Variants in MDGA2 observed in about 807,000 individuals in gnomAD.
MDGA2 encodes the protein MAM domain-containing glycosylphosphatidylinositol anchor protein 2.
Under a neutral mutation model 117.8 loss-of-function variants are expected in MDGA2, and 40 were observed. That is an observed-to-expected ratio of 0.34 (90% confidence interval 0.26 to 0.44). The LOEUF is 0.44. MDGA2 is among the 20% of genes least tolerant of loss of function. The pLI is 1.00. For synonymous variants in MDGA2, 452 were observed against 439.0 expected (o/e 1.03, Z -0.37); for missense variants, 1,123 against 1,250.6 (o/e 0.90, Z 1.54).
chr14:47,500,621 C>T, intron 1 of MDGA2, among the ~76,000 whole-genome samples: 1 of 151,732 alleles, frequency 6.6e-6, no homozygotes, highest in East Asian at 1.9e-4. Context: ...GTTGCCAGAA[C>T]CAAGCAGAAG....
intron 8 of MDGA2, among the ~76,000 whole-genome samples, chr14:46,974,582 G>A (rs2138348179): frequency 6.6e-6 from 1 of 152,166 alleles, no homozygotes; most frequent in South Asian, 2.1e-4. Flanking sequence ...TGCATATATG[G>A]TAAAATTATT....
intron 7 of MDGA2, among the ~76,000 whole-genome samples, chr14:47,039,449 A>G (rs1251558219): frequency 1.3e-5 from 2 of 152,178 alleles, no homozygotes; most frequent in Admixed American, 1.3e-4. Context: ...GGCCATAGGC[A>G]GTTTTCTCAG....
At chr14:47,079,058 G>A (rs187110831) in intron 6 of MDGA2, among the ~76,000 whole-genome samples, 2 of 150,998 alleles carry the variant, frequency 1.3e-5, no homozygotes, top group East Asian at 3.9e-4. Context: ...AAACAAGGAT[G>A]GAAGGAAGAA....
intron 1 of MDGA2, among the ~76,000 whole-genome samples, chr14:47,341,355 T>C (rs1435220052): frequency 1.3e-5 from 2 of 152,198 alleles, no homozygotes; most frequent in Non-Finnish European, 2.9e-5. Flanking sequence ...ATTTTACACA[T>C]GTCATAGAGT....
At chr14:47,022,654 T>C (rs1888328070) in intron 8 of MDGA2, among the ~76,000 whole-genome samples, 1 of 152,150 alleles carries the variant, frequency 6.6e-6, no homozygotes, top group Non-Finnish European at 1.5e-5. Flanking sequence ...GGCTGGAGAC[T>C]TCAGGGAATA....
At chr14:46,906,793 A>G (rs1406222395) in intron 10 of MDGA2, among the ~76,000 whole-genome samples, 4 of 151,984 alleles carry the variant, frequency 2.6e-5, no homozygotes, top group Non-Finnish European at 5.9e-5. Flanking sequence ...AGAGTCAATT[A>G]CTCAGTAGAG....
At chr14:47,182,241 C>T (rs971834287) in intron 3 of MDGA2, among the ~76,000 whole-genome samples, 1 of 151,940 alleles carries the variant, frequency 6.6e-6, no homozygotes, top group African/African-American at 2.4e-5. Context: ...AGTTTTAATC[C>T]TATTGCAGAT....
At chr14:46,877,655 A>G in intron 11 of MDGA2, 146 bp from the exon 12 acceptor site, 1 of 517,170 alleles carries the variant, frequency 1.9e-6, no homozygotes, top group South Asian at 3.4e-5. Context: ...TGAGATTTAT[A>G]TCTGCAATCC....
At chr14:47,578,401 G>T (rs1896156095) in intron 1 of MDGA2, among the ~76,000 whole-genome samples, 1 of 151,934 alleles carries the variant, frequency 6.6e-6, no homozygotes, top group Non-Finnish European at 1.5e-5. Flanking sequence ...TTGTATCTTG[G>T]AACTTAAAGT....
chr14:47,636,220 C>A (rs755811814), intron 1 of MDGA2, among the ~76,000 whole-genome samples: 11 of 152,114 alleles, frequency 7.2e-5, no homozygotes, highest in Non-Finnish European at 1.5e-4. Context: ...ACACATATAT[C>A]TTCATAAGGT....
chr14:47,583,062 A>G (rs1304360993), intron 1 of MDGA2, among the ~76,000 whole-genome samples: 1 of 151,906 alleles, frequency 6.6e-6, no homozygotes, highest in African/African-American at 2.4e-5. Context: ...TAACTCATTA[A>G]TTCAATCAAA....
chr14:47,605,081 C>T, intron 1 of MDGA2, among the ~76,000 whole-genome samples: 1 of 124,500 alleles, frequency 8.0e-6, no homozygotes. Context: ...TTTTACTCCT[C>T]CTCTCTCTTT....
At chr14:47,119,181 C>CA (rs1491275347) in intron 5 of MDGA2, among the ~76,000 whole-genome samples, 1 of 58,308 alleles carries the variant, frequency 1.7e-5, no homozygotes, top group Non-Finnish European at 4.5e-5. Flanking sequence ...CCCGCCCCCC[C>CA]CCCCCCACCC....
chr14:47,107,160 C>T (rs991800550), intron 5 of MDGA2, among the ~76,000 whole-genome samples: 9 of 151,492 alleles, frequency 5.9e-5, no homozygotes, highest in Admixed American at 2.0e-4. Context: ...ACCCTTACCC[C>T]ACTCAAGGCC....
At chr14:47,255,942 T>C (rs77947319) in intron 2 of MDGA2, among the ~76,000 whole-genome samples, 5,242 of 152,028 alleles carry the variant, frequency 0.034, 196 homozygotes, top group East Asian at 0.18. Flanking sequence ...TTGAGACTTT[T>C]ACATAAAATT....
At chr14:47,577,750 T>G (rs572185546) in intron 1 of MDGA2, among the ~76,000 whole-genome samples, 2 of 152,276 alleles carry the variant, frequency 1.3e-5, no homozygotes, top group East Asian at 3.9e-4. Context: ...GAATGGCGAT[T>G]ATTAAAAATT....
chr14:47,338,346 G>T (rs1304964420), intron 1 of MDGA2, among the ~76,000 whole-genome samples: 3 of 151,778 alleles, frequency 2.0e-5, no homozygotes, highest in African/African-American at 7.3e-5. Context: ...CGGGAGAGAA[G>T]AAACATGATG....
At chr14:47,229,626 C>A (rs1042943671) in intron 2 of MDGA2, among the ~76,000 whole-genome samples, 1 of 151,392 alleles carries the variant, frequency 6.6e-6, no homozygotes, top group African/African-American at 2.4e-5. Context: ...AAGAAAACTG[C>A]ATTCATTAGA....
At chr14:46,878,538 T>C (rs1257487121) in intron 11 of MDGA2, among the ~76,000 whole-genome samples, 2 of 152,086 alleles carry the variant, frequency 1.3e-5, no homozygotes, top group Non-Finnish European at 2.9e-5. Flanking sequence ...AACATTAGTA[T>C]ACAAATGATA....
Sources: allele counts gnomAD v4.1 joint callset (sites outside exome capture counted in the v4.1 genomes callset), GRCh38; gene constraint gnomAD v4.1.1; transcripts MANE v1.5; gene names NCBI Gene and HGNC (gene_info 2026-07-23, HGNC 2026-07-21).